Variants in SLC2A9 observed in about 807,000 individuals in gnomAD.
SLC2A9 encodes solute carrier family 2 member 9, also known as solute carrier family 2, facilitated glucose transporter member 9.
In SLC2A9, 39 loss-of-function variants were observed where a neutral mutation model predicts 50.6. The ratio of observed to expected loss-of-function variants is 0.77; its 90% CI spans 0.60 to 1.01. SLC2A9 has a LOEUF of 1.01. SLC2A9 is among the 50% of genes least tolerant of loss of function. SLC2A9 has a pLI of 0.00. For missense variants in SLC2A9, 686 were observed against 677.6 expected, an observed-to-expected ratio of 1.01 and a Z score of -0.14; for synonymous variants, 324 against 276.9, an observed-to-expected ratio of 1.17 and a Z score of -1.69.
intron 6 of SLC2A9, among the ~76,000 whole-genome samples, chr4:9,932,340 G>A (rs1230095635): frequency 1.3e-5 from 2 of 152,108 alleles, no homozygotes; most frequent in Non-Finnish European, 2.9e-5. Context: ...AATGCCTACT[G>A]TATGCCAGGC....
At chr4:9,895,528 T>C (rs1738378337) in intron 8 of SLC2A9, among the ~76,000 whole-genome samples, 1 of 152,220 alleles carries the variant, frequency 6.6e-6, no homozygotes, top group African/African-American at 2.4e-5. Context: ...AAAATCCTAA[T>C]GCTCCCAGGA....
intron 10 of SLC2A9, among the ~76,000 whole-genome samples, chr4:9,848,866 G>A (rs12510791): frequency 4.6e-5 from 7 of 151,990 alleles, no homozygotes; most frequent in Admixed American, 1.3e-4. Flanking sequence ...TACCACGCCC[G>A]GCTAATTTTG....
At chr4:10,026,600 G>C (rs953039666) in intron 1 of SLC2A9, among the ~76,000 whole-genome samples, 1 of 152,212 alleles carries the variant, frequency 6.6e-6, no homozygotes, top group Admixed American at 6.5e-5. Flanking sequence ...CCGAGAGGTG[G>C]AAACAGCCCA....
intron 8 of SLC2A9, among the ~76,000 whole-genome samples, chr4:9,897,430 C>T (rs1738758425): frequency 6.6e-6 from 1 of 151,900 alleles, no homozygotes; most frequent in South Asian, 2.1e-4. Context: ...TAGAATGTGA[C>T]CTTGTTTGGG....
chr4:9,953,934 C>A (rs1347589365), intron 5 of SLC2A9, among the ~76,000 whole-genome samples: 2 of 152,294 alleles, frequency 1.3e-5, no homozygotes, highest in East Asian at 3.9e-4. Context: ...CTCAGCCTCC[C>A]GAGTAGCTGG....
intron 6 of SLC2A9, among the ~76,000 whole-genome samples, chr4:9,925,469 C>T (rs780131034): frequency 2.6e-5 from 4 of 152,092 alleles, no homozygotes; most frequent in Non-Finnish European, 4.4e-5. Context: ...GCCTTGGAGT[C>T]GGAGCAACCT....
intron 1 of SLC2A9, among the ~76,000 whole-genome samples, chr4:9,771,566 A>G (rs917591083): frequency 3.9e-5 from 6 of 152,236 alleles, no homozygotes; most frequent in South Asian, 2.1e-4. Context: ...ATGTTCATCT[A>G]TGCAACACAT....
intron 3 of SLC2A9, among the ~76,000 whole-genome samples, chr4:9,786,673 G>A (rs1374021759): frequency 6.6e-6 from 1 of 152,170 alleles, no homozygotes; most frequent in African/African-American, 2.4e-5. Context: ...TTACAGATGA[G>A]GACATGGGGG....
chr4:9,788,971 A>G (rs1719563712), intron 3 of SLC2A9, among the ~76,000 whole-genome samples: 2 of 152,166 alleles, frequency 1.3e-5, no homozygotes, highest in Non-Finnish European at 2.9e-5. Flanking sequence ...TGCTGGGGTG[A>G]CATTGTTTCT....
chr4:9,895,128 G>A (rs756375429), intron 8 of SLC2A9, among the ~76,000 whole-genome samples: 106 of 152,306 alleles, frequency 7.0e-4, no homozygotes, highest in Non-Finnish European at 1.2e-3. Flanking sequence ...TGATGCTGAC[G>A]TTCAAATACT....
At chr4:10,016,332 C>A (rs1762600957) in intron 2 of SLC2A9, among the ~76,000 whole-genome samples, 1 of 152,230 alleles carries the variant, frequency 6.6e-6, no homozygotes, top group Non-Finnish European at 1.5e-5. Flanking sequence ...GTGGGAAAGT[C>A]AGTGAACAGT....
chr4:9,860,337 T>G (rs947343515), intron 10 of SLC2A9, among the ~76,000 whole-genome samples: 1 of 152,162 alleles, frequency 6.6e-6, no homozygotes, highest in Non-Finnish European at 1.5e-5. Context: ...AGGACACTAC[T>G]TGTCATCCTT....
At chr4:9,834,142 G>A (rs1481055432) in intron 11 of SLC2A9, among the ~76,000 whole-genome samples, 1 of 152,180 alleles carries the variant, frequency 6.6e-6, no homozygotes, top group Admixed American at 6.5e-5. Context: ...TTCCCAGACA[G>A]CTCTGCTCCC....
At chr4:9,955,030 T>C (rs1043558008) in intron 5 of SLC2A9, among the ~76,000 whole-genome samples, 14 of 152,194 alleles carry the variant, frequency 9.2e-5, no homozygotes, top group African/African-American at 2.9e-4. Context: ...CTGGGAACTT[T>C]TGACTGGTGA....
chr4:9,926,812 T>C (rs571639881), intron 6 of SLC2A9, among the ~76,000 whole-genome samples: 284 of 152,238 alleles, frequency 1.9e-3, no homozygotes, highest in African/African-American at 6.5e-3. Flanking sequence ...AATATGACTC[T>C]TGTCCTTACA....
chr4:9,960,429 G>T (rs1752079756), intron 5 of SLC2A9, among the ~76,000 whole-genome samples: 1 of 152,176 alleles, frequency 6.6e-6, no homozygotes, highest in African/African-American at 2.4e-5. Flanking sequence ...TCTATGCTGG[G>T]CAGTGCCAGG....
intron 5 of SLC2A9, among the ~76,000 whole-genome samples, chr4:9,963,256 C>T (rs28613263): frequency 0.48 from 73,528 of 152,064 alleles, 19,142 homozygotes; most frequent in African/African-American, 0.67. Flanking sequence ...CCACCATGAT[C>T]CAATTATCTC....
upstream of SLC2A9, among the ~76,000 whole-genome samples, chr4:10,025,214 G>T (rs1763711190): frequency 6.6e-6 from 1 of 152,184 alleles, no homozygotes; most frequent in Admixed American, 6.5e-5. Flanking sequence ...ATCACAGGAG[G>T]TGAGGCACAG....
At chr4:9,933,281 T>C (rs575349135) in intron 6 of SLC2A9, among the ~76,000 whole-genome samples, 4 of 152,324 alleles carry the variant, frequency 2.6e-5, no homozygotes, top group South Asian at 4.1e-4. Context: ...CCAATGCCAA[T>C]GCAACTCTTT....
Sources: allele counts gnomAD v4.1 joint callset (sites outside exome capture counted in the v4.1 genomes callset), GRCh38; gene constraint gnomAD v4.1.1; transcripts MANE v1.5; gene names NCBI Gene and HGNC (gene_info 2026-07-23, HGNC 2026-07-21).